Variants in NEK11 observed in about 807,000 individuals in gnomAD.
The protein encoded by NEK11 is serine/threonine-protein kinase Nek11.
Under a neutral mutation model 80.7 loss-of-function variants are expected in NEK11, and 72 were observed. The observed-to-expected ratio is 0.89, with a 90% CI of 0.74 to 1.08. NEK11 has a LOEUF of 1.08. Among genes scored for constraint, NEK11 ranks in the 50% least tolerant of loss-of-function variants. The pLI is 0.00. For synonymous variants in NEK11, 251 were observed against 260.7 expected (o/e 0.96, Z 0.36); for missense variants, 764 against 763.6 (o/e 1.00, Z -0.01).
At chr3:131,080,248 C>G (rs931235835) in intron 3 of NEK11, among the ~76,000 whole-genome samples, 175 bp from the exon 4 acceptor site, 1 of 152,022 alleles carries the variant, frequency 6.6e-6, no homozygotes, top group African/African-American at 2.4e-5. Context: ...CTTGGGGAAG[C>G]AGGACAGGAA....
intron 16 of NEK11, among the ~76,000 whole-genome samples, chr3:131,255,032 A>G (rs199739581): frequency 4.6e-5 from 6 of 130,180 alleles, no homozygotes; most frequent in African/African-American, 9.3e-5. Context: ...GAAAGAAAGA[A>G]AGAGAGAGAG....
At chr3:131,274,086 C>A (rs534359301) in intron 17 of NEK11, among the ~76,000 whole-genome samples, 2 of 149,442 alleles carry the variant, frequency 1.3e-5, no homozygotes, top group African/African-American at 4.9e-5. Context: ...TTAGGTATAT[C>A]TCCCAATGCT....
At chr3:131,102,454 T>A (rs1181334979) in intron 4 of NEK11, among the ~76,000 whole-genome samples, 1 of 152,236 alleles carries the variant, frequency 6.6e-6, no homozygotes, top group East Asian at 1.9e-4. Flanking sequence ...TGATGAGATA[T>A]GAAATTCTTG....
chr3:131,243,258 T>A (rs1185050225), intron 15 of NEK11, among the ~76,000 whole-genome samples, 178 bp from the exon 16 acceptor site: 1 of 152,164 alleles, frequency 6.6e-6, no homozygotes, highest in Admixed American at 6.6e-5. Context: ...GAGATTGTTA[T>A]GGAGAGAGTG....
intron 15 of NEK11, among the ~76,000 whole-genome samples, chr3:131,237,176 CA>C (rs775966329): frequency 2.0e-5 from 3 of 151,760 alleles, no homozygotes; most frequent in Non-Finnish European, 4.4e-5. Context: ...CTAATCTCTA[CA>C]AAAAAATTTT....
chr3:131,181,722 G>T (rs1289834740), intron 14 of NEK11, among the ~76,000 whole-genome samples: 1 of 144,602 alleles, frequency 6.9e-6, no homozygotes, highest in Non-Finnish European at 1.5e-5. Flanking sequence ...CTTCAGCCTG[G>T]GCGACAGAGC....
chr3:131,336,900 C>G (rs973049039), intron 17 of NEK11, among the ~76,000 whole-genome samples: 9 of 152,186 alleles, frequency 5.9e-5, no homozygotes, highest in African/African-American at 2.2e-4. Context: ...AAATGCAAAT[C>G]AAAACCACAA....
At chr3:131,237,396 T>C (rs546561031) in intron 15 of NEK11, among the ~76,000 whole-genome samples, 2 of 152,316 alleles carry the variant, frequency 1.3e-5, no homozygotes, top group Admixed American at 6.5e-5. Flanking sequence ...CATTTATGCA[T>C]CACATATTTG....
At chr3:131,296,497 C>G (rs2096594583) in intron 17 of NEK11, among the ~76,000 whole-genome samples, 1 of 152,118 alleles carries the variant, frequency 6.6e-6, no homozygotes, top group Non-Finnish European at 1.5e-5. Context: ...GGTCTCCTAG[C>G]AACAAATTCC....
In NEK11 at chr3:131,097,853, A is replaced by G. The variant is rs1488098362; in HGVS notation, c.337-11950A>G. On this transcript the variant is annotated intron_variant, in intron 4 of 17. Transcript: ENST00000383366. ...AAAAAGAGCCCGCATCGCCAAGTCA[A>G]TCCTAAGCCAAAAGAACAAAGCTGG... is the stretch of plus-strand genomic sequence containing the variant. 3.5e-5 allele frequency among the ~76,000 whole-genome samples: 5 copies of G among 143,938 alleles called. No homozygotes were observed. In the Admixed American group the frequency reaches 3.5e-4, roughly 10 times the overall value. The allele number at this position is 143,938 out of a possible 152,430, so 94.4% of individuals were successfully genotyped here.
At chr3:131,166,684 C>T (rs1330679630) in intron 12 of NEK11, among the ~76,000 whole-genome samples, 1 of 152,192 alleles carries the variant, frequency 6.6e-6, no homozygotes, top group Non-Finnish European at 1.5e-5. Context: ...CCTGTGGGAT[C>T]TGTTGCAGGC....
chr3:131,133,608 A>G (rs186601787), intron 6 of NEK11, among the ~76,000 whole-genome samples: 51 of 143,624 alleles, frequency 3.6e-4, no homozygotes, highest in African/African-American at 1.3e-3. Context: ...AGCTTACATA[A>G]TTCACTTTCC....
Position 131,340,768 on chromosome 3 carries a change from C to T in NEK11, c.1719-8789C>T, listed in dbSNP as rs888067340. Among the ~76,000 whole-genome samples, 3 of 152,100 alleles carry T rather than the reference C, an allele frequency of 2.0e-5. No homozygotes were observed. The South Asian group carries it at 6.2e-4, about 31-fold the overall frequency. ...AGAGTCCTGAAACCTGGACTCTAGT[C>T]CCCTATTTGTCCCCAACTGCCAATT... On this transcript the variant is annotated intron_variant, in intron 17 of 17. Transcript: ENST00000383366.
intron 14 of NEK11, among the ~76,000 whole-genome samples, chr3:131,189,732 G>T (rs553208699): frequency 6.6e-6 from 1 of 152,166 alleles, no homozygotes. Flanking sequence ...TTCTATCTTT[G>T]CCAATCACTA....
chr3:131,181,706 A>G (rs1331933418), intron 14 of NEK11, among the ~76,000 whole-genome samples: 8 of 138,976 alleles, frequency 5.8e-5, no homozygotes, highest in African/African-American at 2.2e-4. Flanking sequence ...AGATCGCACC[A>G]CTGCACTTCA....
Position 131,098,280 on chromosome 3 carries a change from G to A in NEK11, c.337-11523G>A, listed in dbSNP as rs558833722. 7.7e-4 allele frequency among the ~76,000 whole-genome samples: 118 copies of A among 152,302 alleles called. 1 individual carries two copies. Among genetic ancestry groups the A allele is most frequent in the African/African-American group, 2.8e-3 (115 of 41,562 alleles). Reference sequence around the variant, plus strand: ...CATGTCTAAAACACCAAAAGCAATGGCAGCAAAAGCCAAAATTGACAAATG... The same window carrying A: ...CATGTCTAAAACACCAAAAGCAATGACAGCAAAAGCCAAAATTGACAAATG... On this transcript the variant is annotated intron_variant, in intron 4 of 17. Transcript: ENST00000383366.
intron 3 of NEK11, among the ~76,000 whole-genome samples, chr3:131,068,679 T>G (rs533052323): frequency 1.3e-5 from 2 of 152,136 alleles, no homozygotes; most frequent in Non-Finnish European, 2.9e-5. Context: ...CTTTGTGACT[T>G]TGTGTGTGTT....
intron 14 of NEK11, chr3:131,184,754 G>A (rs2093527635): frequency 1.6e-6 from 2 of 1,217,114 alleles, no homozygotes; most frequent in African/African-American, 1.6e-5. Flanking sequence ...AAAAATAAAG[G>A]AATTTCTGAA....
intron 17 of NEK11, among the ~76,000 whole-genome samples, chr3:131,315,350 A>C (rs1473782692): frequency 6.6e-6 from 1 of 151,722 alleles, no homozygotes; most frequent in East Asian, 1.9e-4. Flanking sequence ...TTAGATTCCG[A>C]TCATGCAGTA....
Sources: gnomAD v4.1 joint callset for allele counts (sites outside exome capture counted in the v4.1 genomes callset) on GRCh38, gnomAD v4.1.1 for gene constraint, MANE v1.5 for transcripts, NCBI Gene and HGNC (gene_info 2026-07-23, HGNC 2026-07-21) for gene names.